Variants in CD99 observed in about 807,000 individuals in gnomAD.
CD99 encodes CD99 molecule (Xg blood group).
In CD99, 19 loss-of-function variants were observed where a neutral mutation model predicts 28.4. The ratio of observed to expected loss-of-function variants is 0.67; its 90% CI spans 0.47 to 0.98. The LOEUF (loss-of-function observed/expected upper bound fraction) is 0.98. Ranked by LOEUF, CD99 falls within the 50% of genes least tolerant of loss-of-function variation. The pLI is 0.00. For missense variants in CD99, 283 were observed against 248.8 expected (o/e 1.14, Z -0.92); for synonymous variants, 103 against 92.1 (o/e 1.12, Z -0.67).
At position 2,710,867 on chromosome X, in the gene CD99, C is replaced by CTTTTT. The variant is rs541519754; in HGVS notation, c.68-3538_68-3534dup. Reference sequence around the variant, plus strand: ...TACATATGAAGATATGTAGAGATGACTTTTTTTTTTTTTTTTTTTTTGAGA... The same window carrying CTTTTT: ...TACATATGAAGATATGTAGAGATGACTTTTTTTTTTTTTTTTTTTTTTTTTTGAGA... On this transcript the variant is annotated intron_variant, in intron 1 of 9. Transcript: ENST00000381192. 3.2e-4 allele frequency among the ~76,000 whole-genome samples: 32 copies of CTTTTT among 99,610 alleles called. 1 individual carries two copies. The highest frequency in any genetic ancestry group is 9.7e-4 in the African/African-American group (24 of 24,762). The allele number at this position is 99,610 out of a possible 152,430, so 65.3% of individuals were successfully genotyped here. A position where few individuals can be genotyped will look rare whatever the true frequency, so the allele number is the denominator to read the frequency against.
Position 2,714,427 on chromosome X carries a change from G to A in CD99, c.73G>A (p.Gly25Ser), listed in dbSNP as rs1289391431. 5 of 1,597,944 alleles carry A rather than the reference G, an allele frequency of 3.1e-6. No individual in the cohort carries two copies. The highest frequency in any genetic ancestry group is 4.3e-6 in the Non-Finnish European group (5 of 1,167,122). The change falls in exon 2 of 10, where the codon GGT (glycine) becomes AGT (serine). Residue 25 changes from glycine (G) to serine (S), a missense_variant. By Grantham distance (56) the Gly-to-Ser change is moderately conservative. Coordinates refer to ENST00000381192, the MANE Select transcript of CD99 (RefSeq NM_002414.5). ...ACTCTTTTTTTCTCTCTTAGATGGT[G>A]GTTTCGATTTATCCGATGCCCTTCC... is the stretch of plus-strand genomic sequence containing the variant. ...LGVLVAAPDG[G>S]FDLSDALPDN...
At chrX:2,704,253 T>C (rs1156429671) in intron 1 of CD99, among the ~76,000 whole-genome samples, 2 of 152,084 alleles carry the variant, frequency 1.3e-5, no homozygotes, top group Non-Finnish European at 2.9e-5. Context: ...CAAAAGAAAG[T>C]TTCCCACTTC....
chrX:2,703,803 T>C (rs958721334), intron 1 of CD99, among the ~76,000 whole-genome samples: 5 of 152,042 alleles, frequency 3.3e-5, no homozygotes, highest in African/African-American at 7.2e-5. Flanking sequence ...GGGATGAAGT[T>C]GGAAAAAGTG....
At chrX:2,698,988 A>G (rs2047709634) in intron 1 of CD99, among the ~76,000 whole-genome samples, 1 of 148,150 alleles carries the variant, frequency 6.7e-6, no homozygotes, top group Non-Finnish European at 1.5e-5. Context: ...GTGCAGTGGT[A>G]CAGTCATAGC....
chrX:2,737,138 A>G (rs1402058890), intron 8 of CD99, among the ~76,000 whole-genome samples: 1 of 152,014 alleles, frequency 6.6e-6, no homozygotes, highest in Non-Finnish European at 1.5e-5. Flanking sequence ...TAGGTACTGA[A>G]AAGATGCTAA....
chrX:2,705,169 T>G (rs1185524580), intron 1 of CD99, among the ~76,000 whole-genome samples: 1 of 152,108 alleles, frequency 6.6e-6, no homozygotes, highest in Non-Finnish European at 1.5e-5. Context: ...TTCCATGGGG[T>G]GAACAGATTG....
intron 1 of CD99, among the ~76,000 whole-genome samples, chrX:2,697,618 C>T (rs1480854114): frequency 1.3e-5 from 2 of 152,096 alleles, no homozygotes; most frequent in African/African-American, 2.4e-5. Flanking sequence ...GACTGGAACA[C>T]GATGGACTGG....
intron 1 of CD99, among the ~76,000 whole-genome samples, chrX:2,714,197 CT>C (rs2048576247): frequency 6.6e-6 from 1 of 152,080 alleles, no homozygotes; most frequent in Non-Finnish European, 1.5e-5. Flanking sequence ...TTCTACTAAG[CT>C]TGAAGGTCAT....
chrX:2,728,686 G>A (rs1298355692), intron 8 of CD99, among the ~76,000 whole-genome samples: 1 of 152,054 alleles, frequency 6.6e-6, no homozygotes, highest in African/African-American at 2.4e-5. Flanking sequence ...TCAATGGAAG[G>A]GAATTTTTGT....
intron 1 of CD99, among the ~76,000 whole-genome samples, chrX:2,696,268 C>G (rs1310775376): frequency 6.8e-6 from 1 of 147,446 alleles, no homozygotes; most frequent in African/African-American, 2.7e-5. Context: ...CTGCTGTCTT[C>G]CGTGCTTCAC....
intron 8 of CD99, among the ~76,000 whole-genome samples, chrX:2,731,886 G>C (rs2049626300): frequency 2.0e-5 from 3 of 151,772 alleles, no homozygotes; most frequent in Admixed American, 1.3e-4. Flanking sequence ...GGCTCTGTCT[G>C]TTATAGGTTG....
chrX:2,716,854 G>T (rs191323042), intron 2 of CD99, among the ~76,000 whole-genome samples: 2 of 152,186 alleles, frequency 1.3e-5, no homozygotes, highest in South Asian at 2.1e-4. Context: ...ATTCTCAGAG[G>T]GGGCAGCCTA....
chrX:2,732,288 C>T (rs2049658754), intron 8 of CD99, among the ~76,000 whole-genome samples: 1 of 152,216 alleles, frequency 6.6e-6, no homozygotes, highest in African/African-American at 2.4e-5. Flanking sequence ...CTGACCACTT[C>T]CCACAGAGCC....
chrX:2,709,622 AC>A (rs2048295746), intron 1 of CD99, among the ~76,000 whole-genome samples: 1 of 152,216 alleles, frequency 6.6e-6, no homozygotes, highest in African/African-American at 2.4e-5. Context: ...ACACACAGAA[AC>A]CACATGAATG....
At chrX:2,733,808 T>C in intron 8 of CD99, 1 of 192,800 alleles carries the variant, frequency 5.2e-6, no homozygotes, top group Non-Finnish European at 1.1e-5. Flanking sequence ...GATTTGACCT[T>C]CCAGGTCATG....
At chrX:2,730,956 A>G (rs1416225015) in intron 8 of CD99, among the ~76,000 whole-genome samples, 4 of 151,684 alleles carry the variant, frequency 2.6e-5, no homozygotes, top group Admixed American at 2.0e-4. Flanking sequence ...AAAGAGAAAG[A>G]AAACAAAAAC....
intron 1 of CD99, chrX:2,691,978 C>T: frequency 1.3e-6 from 1 of 757,768 alleles, no homozygotes; most frequent in South Asian, 1.4e-5. Context: ...TCTGTGGATG[C>T]GGGCTCCGGG....
At chrX:2,706,859 C>T (rs61044525) in intron 1 of CD99, among the ~76,000 whole-genome samples, 20 of 151,952 alleles carry the variant, frequency 1.3e-4, no homozygotes, top group Admixed American at 2.6e-4. Context: ...CTCACTCTGT[C>T]GCCCAGGCTG....
At chrX:2,733,466 T>A in intron 8 of CD99, 1 of 1,360,854 alleles carries the variant, frequency 7.3e-7, no homozygotes, top group Non-Finnish European at 1.0e-6. Context: ...CCCTTCCATC[T>A]GCCGCTCCCC....
Sources: allele counts gnomAD v4.1 joint callset (sites outside exome capture counted in the v4.1 genomes callset), GRCh38; gene constraint gnomAD v4.1.1; transcripts MANE v1.5; gene names NCBI Gene and HGNC (gene_info 2026-07-23, HGNC 2026-07-21).